Variants in DNAH9 observed in about 807,000 individuals in gnomAD.
The protein encoded by DNAH9 is DNAH9 variant protein.
A neutral mutation model predicts 471.6 loss-of-function variants in DNAH9; 345 were observed. The ratio of observed to expected loss-of-function variants is 0.73; its 90% CI spans 0.67 to 0.80. The LOEUF is 0.80. DNAH9 is among the 30% of genes least tolerant of loss of function. The pLI, the probability that DNAH9 is intolerant of heterozygous loss-of-function variation, is 0.00. For synonymous variants in DNAH9, 2,093 were observed against 2,123.6 expected, an observed-to-expected ratio of 0.99 and a Z score of 0.40; for missense variants, 5,407 against 5,609.2, an observed-to-expected ratio of 0.96 and a Z score of 1.15.
rs1266147144 is a variant in DNAH9, at chr17:11,690,398, T to G, written c.4576T>G (p.Phe1526Val). ...AACATGGACTCACCTGGAAAGCATA[T>G]TCACTGGATCTGAAGATATTCGGGC... ...QRTWTHLESI[F>V]TGSEDIRAQL... The change falls in exon 20 of 69, where the codon TTC becomes GTC. Residue 1526 changes from phenylalanine (F) to valine (V), a missense_variant. By Grantham distance (50) the Phe-to-Val change is conservative (BLOSUM62 -1). This residue lies in a region of DNAH9 where 4,636 missense variants were observed against 4,900.3 expected (regional missense o/e 0.95). Coordinates refer to ENST00000262442, the MANE Select transcript of DNAH9 (RefSeq NM_001372.4). The G allele has an allele frequency of 6.2e-7, 1 of 1,614,150 alleles. No individual in the cohort carries two copies. Among genetic ancestry groups the G allele is most frequent in the South Asian group, 1.1e-5 (1 of 91,078 alleles).
rs771368123 is a variant in DNAH9, at chr17:11,757,673, C to G, written c.6976C>G (p.Leu2326Val). The change falls in exon 35 of 69, where the codon CTA (leucine) becomes GTA (valine). Residue 2326 changes from leucine (L) to valine (V), a missense_variant. By Grantham distance (32) the Leu-to-Val change is conservative (BLOSUM62 1). Around this residue, in one of 3 missense-constraint regions of DNAH9, gnomAD observed 4,636 missense variants for 4,900.3 expected, o/e 0.95. Transcript: ENST00000262442. Reference sequence around the variant, plus strand: ...GTTCGACAAGTATCTTCCAACCTGCCTAGACACACTCAGAACCAGGTAGGC... The same window carrying G: ...GTTCGACAAGTATCTTCCAACCTGCGTAGACACACTCAGAACCAGGTAGGC... ...ILFDKYLPTC[L>V]DTLRTRFKKI... 1 of 1,613,968 alleles carries G rather than the reference C, an allele frequency of 6.2e-7. No individual in the cohort carries two copies. The highest frequency in any genetic ancestry group is 8.5e-7 in the Non-Finnish European group (1 of 1,180,018).
chr17:11,963,770 A>G (rs1976454106), intron 68 of DNAH9, among the ~76,000 whole-genome samples: 1 of 152,232 alleles, frequency 6.6e-6, no homozygotes, highest in South Asian at 2.1e-4. Flanking sequence ...CTCATGGAGT[A>G]TATTAGCAGT....
rs1567826419 is a variant in DNAH9, at chr17:11,822,456, C to T, written c.8869C>T (p.Pro2957Ser). ...RQLKVTLCFS[P>S]VGNKLRVRSR... ...TTCTCAGGTGACTCTCTGTTTCTCC[C>T]CTGTGGGAAACAAGCTAAGAGTCCG... The change falls in exon 47 of 69, where the codon CCT becomes TCT. Residue 2957 changes from proline (P) to serine (S), a missense_variant. Physicochemically the swap from Pro to Ser is moderately conservative, Grantham distance 74. This residue lies in a region of DNAH9 where 4,636 missense variants were observed against 4,900.3 expected (regional missense o/e 0.95). Coordinates refer to ENST00000262442, the MANE Select transcript of DNAH9 (RefSeq NM_001372.4). 6.2e-7 allele frequency: 1 copy of T among 1,614,074 alleles called. No homozygotes were observed. The highest frequency in any genetic ancestry group is 1.1e-5 in the South Asian group (1 of 91,082).
chr17:11,704,350 C>T lies in DNAH9; in HGVS notation c.5299C>T (p.Gln1767Ter), dbSNP rs771037152. The change falls in exon 25 of 69, where the codon CAG becomes TAG. Residue 1767 changes from glutamine (Q) to a stop codon, truncating the protein, a stop_gained. Coordinates refer to ENST00000262442, the MANE Select transcript of DNAH9 (RefSeq NM_001372.4). LOFTEE classifies it high-confidence loss of function. ...AACCCTTATCACCATGCTGATTGGC[C>T]AGCTCTCCAAGGGAGACCGGCAGAA... ...LKTLITMLIG[Q>*]LSKGDRQKIM... 1 of 1,614,172 alleles carries T rather than the reference C, an allele frequency of 6.2e-7. No homozygotes were observed. Among genetic ancestry groups the T allele is most frequent in the South Asian group, 1.1e-5 (1 of 91,080 alleles).
chr17:11,653,107 T>C, intron 14 of DNAH9, 105 bp downstream of exon 14: 1 of 1,216,382 alleles, frequency 8.2e-7, no homozygotes, highest in Admixed American at 2.1e-5. Context: ...GTGCAGTGTC[T>C]TCCGAAGACA....
chr17:11,915,369 C>T (rs1452015294), intron 61 of DNAH9, among the ~76,000 whole-genome samples: 1 of 152,076 alleles, frequency 6.6e-6, no homozygotes, highest in Non-Finnish European at 1.5e-5. Context: ...ACTAAAACTA[C>T]AAAAATTAGC....
intron 52 of DNAH9, among the ~76,000 whole-genome samples, chr17:11,872,649 G>A (rs1466634675): frequency 3.3e-5 from 5 of 152,142 alleles, no homozygotes; most frequent in African/African-American, 4.8e-5. Flanking sequence ...GGCCGGGCGC[G>A]GTGGCTCACG....
At chr17:11,604,371 GTCTTCTCTTCTCTCTATATACACCCATTT>G (rs1212617817) in intron 1 of DNAH9, among the ~76,000 whole-genome samples, 1 of 151,962 alleles carries the variant, frequency 6.6e-6, no homozygotes, top group African/African-American at 2.4e-5. Flanking sequence ...TTCCCTGGAC[GTCTTCTCTTCTCTCTATATACACCCATTT>G]TCTTGGGGGC....
At chr17:11,882,900 T>C (rs1012671216) in intron 55 of DNAH9, 14 of 982,088 alleles carry the variant, frequency 1.4e-5, no homozygotes, top group Admixed American at 1.2e-4. Context: ...GATCAAGATA[T>C]GTGGTTTTAA....
intron 26 of DNAH9, among the ~76,000 whole-genome samples, chr17:11,711,085 G>A (rs113553640): frequency 2.0e-5 from 3 of 152,198 alleles, no homozygotes; most frequent in Non-Finnish European, 4.4e-5. Context: ...AAGGAAGATA[G>A]ACCCTCTCTT....
chr17:11,834,812 C>G lies in DNAH9; in HGVS notation c.9421C>G (p.Gln3141Glu). ...KVAVIMLEVK[Q>E]KQKDCEEDLA... ...GGCCGTCATCATGCTAGAGGTGAAA[C>G]AGAAGCAGAAGGACTGTGAGGAGGA... Residue 3141 changes from glutamine (Q) to glutamate (E), a missense_variant, in exon 49 of 69, where the codon CAG (glutamine) becomes GAG (glutamate). Physicochemically the swap from Gln to Glu is conservative, Grantham distance 29. This residue lies in a region of DNAH9 where 4,636 missense variants were observed against 4,900.3 expected (regional missense o/e 0.95). Transcript: ENST00000262442. 6.2e-7 allele frequency: 1 copy of G among 1,614,080 alleles called. No homozygotes were observed. Among genetic ancestry groups the G allele is most frequent in the Non-Finnish European group, 8.5e-7 (1 of 1,180,018 alleles).
In DNAH9 at chr17:11,807,660, C is replaced by G. The variant is rs1176230713; in HGVS notation, c.8421-72C>G. 6.6e-6 allele frequency: 10 copies of G among 1,512,552 alleles called. No homozygotes were observed. The African/African-American group carries it at 1.1e-4, about 17-fold the overall frequency. 93.7% of individuals were successfully genotyped at this position (1,512,552 alleles called of 1,614,324 possible). On this transcript the variant is annotated intron_variant, in intron 43 of 68. Transcript: ENST00000262442. ...TCCAAGGAAGGCCCCTGCTCCCACT[C>G]AAGCCTTTATACATGCTTCTGACTG...
At chr17:11,777,052 G>T (rs1968463566) in intron 38 of DNAH9, among the ~76,000 whole-genome samples, 1 of 152,322 alleles carries the variant, frequency 6.6e-6, no homozygotes, top group East Asian at 1.9e-4. Flanking sequence ...TAAAATCTCA[G>T]TTGAAGACCA....
chr17:11,802,616 G>A (rs1460777067), intron 43 of DNAH9, among the ~76,000 whole-genome samples: 2 of 146,108 alleles, frequency 1.4e-5, no homozygotes, highest in Admixed American at 6.9e-5. Flanking sequence ...TGAGCAACAA[G>A]AGTGAAACTC....
chr17:11,931,676 T>C (rs928481499), intron 63 of DNAH9, among the ~76,000 whole-genome samples: 3 of 152,158 alleles, frequency 2.0e-5, no homozygotes, highest in African/African-American at 7.2e-5. Flanking sequence ...TGCCATGGCA[T>C]GTGCACCCAC....
At chr17:11,651,612 C>T (rs1204615950) in intron 13 of DNAH9, among the ~76,000 whole-genome samples, 3 of 152,148 alleles carry the variant, frequency 2.0e-5, no homozygotes, top group Admixed American at 1.3e-4. Context: ...TTGGGTGCTC[C>T]ATGAGTGACA....
At chr17:11,758,696 CATTCCAT>C (rs1297259172) in intron 35 of DNAH9, among the ~76,000 whole-genome samples, 4 of 152,170 alleles carry the variant, frequency 2.6e-5, no homozygotes, top group Non-Finnish European at 5.9e-5. Flanking sequence ...CAGGTGCTCT[CATTCCAT>C]ATGCCCCGCC....
In DNAH9 at chr17:11,956,587, AAT is replaced by A. The variant is rs367941809; in HGVS notation, c.12844-5277_12844-5276del. ...TCAACTATATTTTATGTCATAAAGCAATATGAGAGGATTAAAATCATACACAG... is the reference window on the plus strand; with the variant it reads ...TCAACTATATTTTATGTCATAAAGCAATGAGAGGATTAAAATCATACACAG... On this transcript the variant is annotated intron_variant, in intron 67 of 68. Coordinates refer to ENST00000262442, the MANE Select transcript of DNAH9 (RefSeq NM_001372.4). Among the ~76,000 whole-genome samples, 106 of 152,278 alleles carry A rather than the reference AAT, an allele frequency of 7.0e-4. No homozygotes were observed. In the South Asian group the frequency reaches 8.7e-3, roughly 12 times the overall value.
chr17:11,815,767 T>G (rs1359255673), intron 45 of DNAH9, among the ~76,000 whole-genome samples: 1 of 152,150 alleles, frequency 6.6e-6, no homozygotes, highest in Non-Finnish European at 1.5e-5. Context: ...CCAGCCTGGC[T>G]GACAGAGCAA....
Sources: gnomAD v4.1 joint callset for allele counts (sites outside exome capture counted in the v4.1 genomes callset) on GRCh38, gnomAD v4.1.1 for gene constraint, gnomAD v4.1.1 regional missense constraint, MANE v1.5 for transcripts, NCBI Gene and HGNC (gene_info 2026-07-23, HGNC 2026-07-21) for gene names.